Variants in LCOR observed in about 807,000 individuals in gnomAD.
LCOR encodes the protein ligand-dependent corepressor.
A neutral mutation model predicts 64.4 loss-of-function variants in LCOR; 14 were observed. That is an observed-to-expected ratio of 0.22 (90% CI 0.14 to 0.34). The LOEUF is 0.34. Among genes scored for constraint, LCOR ranks in the 10% least tolerant of loss-of-function variants. The probability of loss-of-function intolerance (pLI) is 1.00; values close to 1 mark genes in which losing one functional copy is unlikely to be tolerated. For synonymous variants in LCOR, 643 were observed against 642.5 expected (o/e 1.00, Z -0.01); for missense variants, 1,686 against 1,765.3 (o/e 0.96, Z 0.80).
In LCOR at chr10:96,859,775, T is replaced by TA. The variant is rs1845858504; in HGVS notation, c.-330+26297dup. Among the ~76,000 whole-genome samples the TA allele has an allele frequency of 2.0e-5, 3 of 152,284 alleles. No individual in the cohort carries two copies. The South Asian group carries it at 6.2e-4, about 32-fold the overall frequency. On this transcript the variant is annotated intron_variant, in intron 2 of 7. Transcript: ENST00000421806. The stretch of plus-strand genomic sequence containing the variant: ...GGTTTTGCCATGTTGCCCAGGCTGG[T>TA]ATCAAACTCCTGAACTCAAGCAGTC...
chr10:96,902,087 C>G (rs999229167), intron 2 of LCOR, among the ~76,000 whole-genome samples: 4 of 152,016 alleles, frequency 2.6e-5, no homozygotes, highest in African/African-American at 9.7e-5. Flanking sequence ...TCTCCTCCCC[C>G]CAAGCATTTG....
intron 2 of LCOR, among the ~76,000 whole-genome samples, chr10:96,848,622 C>T (rs1346433302): frequency 6.6e-6 from 1 of 152,166 alleles, no homozygotes; most frequent in East Asian, 1.9e-4. Flanking sequence ...CGCGCCATTG[C>T]ACTCCAGTCT....
At chr10:96,926,907 A>G (rs1336798218) in intron 4 of LCOR, among the ~76,000 whole-genome samples, 1 of 152,146 alleles carries the variant, frequency 6.6e-6, no homozygotes, top group African/African-American at 2.4e-5. Flanking sequence ...TAGCATGGAT[A>G]TGCTACAGTT....
intron 4 of LCOR, among the ~76,000 whole-genome samples, chr10:96,910,411 A>G (rs1475078985): frequency 6.6e-6 from 1 of 152,138 alleles, no homozygotes; most frequent in Non-Finnish European, 1.5e-5. Flanking sequence ...ATTTTCGGAG[A>G]CAGTCATACA....
intron 2 of LCOR, among the ~76,000 whole-genome samples, chr10:96,884,515 CT>C (rs1846311491): frequency 6.6e-6 from 1 of 152,206 alleles, no homozygotes; most frequent in Non-Finnish European, 1.5e-5. Context: ...CCAGTCAATC[CT>C]TTCTGCACCT....
chr10:96,937,830 C>CA (rs1564631433), intron 4 of LCOR, among the ~76,000 whole-genome samples: 3 of 152,058 alleles, frequency 2.0e-5, no homozygotes, highest in Non-Finnish European at 4.4e-5. Flanking sequence ...AGTACCAGCA[C>CA]AAAAAAATCC....
intron 4 of LCOR, among the ~76,000 whole-genome samples, chr10:96,923,656 T>C (rs1224157464): frequency 6.6e-6 from 1 of 152,216 alleles, no homozygotes. Context: ...GTTAAAAATT[T>C]AACCATATTA....
chr10:96,912,231 T>G (rs775163338), intron 4 of LCOR, among the ~76,000 whole-genome samples: 1 of 152,144 alleles, frequency 6.6e-6, no homozygotes, highest in Non-Finnish European at 1.5e-5. Flanking sequence ...GCACCCGGCC[T>G]TCTTTAACCT....
At chr10:96,968,286 T>C (rs1478434706) in intron 7 of LCOR, among the ~76,000 whole-genome samples, 2 of 152,184 alleles carry the variant, frequency 1.3e-5, no homozygotes, top group Non-Finnish European at 1.5e-5. Context: ...CCCATAATAC[T>C]CATGATTTCA....
intron 2 of LCOR, among the ~76,000 whole-genome samples, chr10:96,842,621 TC>T (rs1330176904): frequency 6.6e-6 from 1 of 151,052 alleles, no homozygotes; most frequent in Non-Finnish European, 1.5e-5. Context: ...TGCTTTTTTT[TC>T]TTTTCTTTTC....
intron 4 of LCOR, among the ~76,000 whole-genome samples, chr10:96,909,128 T>C (rs1846784383): frequency 6.6e-6 from 1 of 152,182 alleles, no homozygotes; most frequent in African/African-American, 2.4e-5. Flanking sequence ...AGTTCTCTCT[T>C]AGTCTTCTTC....
intron 7 of LCOR, among the ~76,000 whole-genome samples, chr10:96,974,934 C>T (rs1013298003): frequency 2.0e-5 from 3 of 152,236 alleles, no homozygotes; most frequent in East Asian, 1.9e-4. Context: ...TTTGGGAAGC[C>T]GAGGCTGGTG....
At chr10:96,878,631 CTG>C (rs1846210222) in intron 2 of LCOR, among the ~76,000 whole-genome samples, 1 of 152,136 alleles carries the variant, frequency 6.6e-6, no homozygotes, top group Admixed American at 6.6e-5. Context: ...TAGGTACTCT[CTG>C]TGAGCATAAT....
chr10:96,965,682 AAAGAC>A (rs1306404729), intron 7 of LCOR, among the ~76,000 whole-genome samples: 5 of 151,434 alleles, frequency 3.3e-5, no homozygotes, highest in Admixed American at 1.3e-4. Context: ...AAAAAAAAAA[AAAGAC>A]GGGCTATCTA....
At chr10:96,960,320 A>G (rs1356096170) in intron 7 of LCOR, 2 of 152,172 alleles carry the variant, frequency 1.3e-5, no homozygotes, top group Non-Finnish European at 2.9e-5. Context: ...CATAAGACAA[A>G]TTGAGTCAGC....
rs1014080863 is a variant in LCOR, at chr10:96,948,921, A to G, written c.-50-87A>G. 4.8e-6 allele frequency: 5 copies of G among 1,043,936 alleles called. No individual in the cohort carries two copies. The African/African-American group carries it at 8.0e-5, about 17-fold the overall frequency. The allele number at this position is 1,043,936 out of a possible 1,614,324, so 64.7% of individuals were successfully genotyped here. A position where few individuals can be genotyped will look rare whatever the true frequency, so the allele number is the denominator to read the frequency against. Reference sequence around the variant, plus strand: ...TTTTAAGATAACTGCATTTTAAGAAAAATAAAATGAAATTTTATGTTTACT... The same window carrying G: ...TTTTAAGATAACTGCATTTTAAGAAGAATAAAATGAAATTTTATGTTTACT... On this transcript the variant is annotated intron_variant, in intron 5 of 7. Coordinates refer to ENST00000421806, the MANE Select transcript of LCOR (RefSeq NM_001346516.2).
Position 96,967,835 on chromosome 10 carries a change from A to G in LCOR, c.333-12958A>G, listed in dbSNP as rs116057266. Reference sequence around the variant, plus strand: ...CTTGAAAAGTCACTTTAAGTTATTCATAATTTTTATTTCTATTATGTGCAG... The same window carrying G: ...CTTGAAAAGTCACTTTAAGTTATTCGTAATTTTTATTTCTATTATGTGCAG... On this transcript the variant is annotated intron_variant, in intron 7 of 7. Coordinates refer to ENST00000421806, the MANE Select transcript of LCOR (RefSeq NM_001346516.2). Among the ~76,000 whole-genome samples the G allele has an allele frequency of 4.9e-3, 744 of 152,314 alleles. 11 individuals are homozygous for G. Among genetic ancestry groups the G allele is most frequent in the African/African-American group, 0.017 (712 of 41,572 alleles).
At chr10:96,955,455 G>A in intron 7 of LCOR, 1 of 1,614,164 alleles carries the variant, frequency 6.2e-7, no homozygotes, top group Non-Finnish European at 8.5e-7. Flanking sequence ...TAGCTCTTTG[G>A]TAATGGGTTC....
chr10:96,833,080 C>T, intron 1 of LCOR: 1 of 986,278 alleles, frequency 1.0e-6, no homozygotes, highest in Non-Finnish European at 1.2e-6. Flanking sequence ...CCTCAGCGGG[C>T]GGCGGTGGCC....
Sources: gnomAD v4.1 joint callset for allele counts (sites outside exome capture counted in the v4.1 genomes callset) on GRCh38, gnomAD v4.1.1 for gene constraint, MANE v1.5 for transcripts, NCBI Gene and HGNC (gene_info 2026-07-23, HGNC 2026-07-21) for gene names.